CD48: variants seen among roughly 807,000 people sequenced by gnomAD.
CD48 encodes the protein CD48 antigen.
A neutral mutation model predicts 22.0 loss-of-function variants in CD48; 20 were observed. The observed-to-expected ratio is 0.91, with a 90% CI of 0.64 to 1.32. The LOEUF is 1.32. CD48 is among the 40% of genes most tolerant of loss of function. CD48 has a pLI of 0.00. For missense variants in CD48, 307 were observed against 286.5 expected (o/e 1.07, Z -0.52); for synonymous variants, 110 against 110.1 (o/e 1.00, Z 0.01).
At chr1:160,710,751 T>C (rs937639518) in intron 1 of CD48, among the ~76,000 whole-genome samples, 3 of 152,040 alleles carry the variant, frequency 2.0e-5, no homozygotes, top group Non-Finnish European at 4.4e-5. Context: ...ACCTGAGAGG[T>C]AGAATATGTG....
chr1:160,708,343 A>G (rs533532897), intron 1 of CD48, among the ~76,000 whole-genome samples: 2 of 152,332 alleles, frequency 1.3e-5, no homozygotes, highest in South Asian at 2.1e-4. Flanking sequence ...AGTGGCCACT[A>G]AAGATTTTAA....
chr1:160,679,351 C>T (rs778807750), intron 3 of CD48, among the ~76,000 whole-genome samples: 1 of 152,142 alleles, frequency 6.6e-6, no homozygotes, highest in African/African-American at 2.4e-5. Context: ...ACTGGCTTAC[C>T]TGGGCCCTGT....
chr1:160,710,472 G>T (rs556905178), intron 1 of CD48, among the ~76,000 whole-genome samples: 4 of 152,132 alleles, frequency 2.6e-5, no homozygotes, highest in Non-Finnish European at 4.4e-5. Flanking sequence ...AATCAGGTGT[G>T]GTCTGATTGT....
At chr1:160,710,719 C>T (rs1387494218) in intron 1 of CD48, among the ~76,000 whole-genome samples, 1 of 152,178 alleles carries the variant, frequency 6.6e-6, no homozygotes, top group Non-Finnish European at 1.5e-5. Flanking sequence ...TAGACTCACA[C>T]AGTCATGAAC....
At chr1:160,699,871 G>A (rs1403234625) in intron 1 of CD48, 3 of 151,580 alleles carry the variant, frequency 2.0e-5, no homozygotes, top group Admixed American at 6.6e-5. Flanking sequence ...AGAGGCTGGC[G>A]GGATCCTCCA....
chr1:160,691,210 G>T (rs1662203660), intron 1 of CD48, among the ~76,000 whole-genome samples: 1 of 152,276 alleles, frequency 6.6e-6, no homozygotes, highest in Middle Eastern at 3.4e-3. Context: ...CCCGTAAAGG[G>T]TCTGTGCTGA....
chr1:160,708,102 G>C (rs1191944585), intron 1 of CD48, among the ~76,000 whole-genome samples: 1 of 152,168 alleles, frequency 6.6e-6, no homozygotes, highest in Non-Finnish European at 1.5e-5. Flanking sequence ...AATGGCTTCT[G>C]TACGAGGAAT....
chr1:160,693,343 T>C (rs1253730533), intron 1 of CD48, among the ~76,000 whole-genome samples: 40 of 149,440 alleles, frequency 2.7e-4, no homozygotes, highest in African/African-American at 9.0e-4. Context: ...ACGCCAATCC[T>C]GAGTGTCAAT....
intron 1 of CD48, among the ~76,000 whole-genome samples, chr1:160,706,498 T>C (rs1662799521): frequency 1.3e-5 from 2 of 152,192 alleles, no homozygotes; most frequent in African/African-American, 4.8e-5. Context: ...GGCTGTAACT[T>C]CTTACCGAGA....
chr1:160,703,393 C>T (rs1372397721), intron 1 of CD48, among the ~76,000 whole-genome samples: 1 of 152,110 alleles, frequency 6.6e-6, no homozygotes, highest in African/African-American at 2.4e-5. Flanking sequence ...CAGCGCATAT[C>T]GATGCAGACC....
intron 1 of CD48, among the ~76,000 whole-genome samples, chr1:160,703,922 A>G (rs778705154): frequency 2.6e-5 from 4 of 152,144 alleles, no homozygotes; most frequent in Non-Finnish European, 5.9e-5. Flanking sequence ...TGTGGAGTGA[A>G]CAAGGGGATT....
At chr1:160,693,929 G>A (rs377253927) in intron 1 of CD48, among the ~76,000 whole-genome samples, 4,348 of 145,924 alleles carry the variant, frequency 0.03, 10 homozygotes, top group Middle Eastern at 0.038. Flanking sequence ...ATTGTCCCCC[G>A]CCACAAGTGG....
chr1:160,694,395 T>C (rs560688265), intron 1 of CD48, among the ~76,000 whole-genome samples: 1 of 151,938 alleles, frequency 6.6e-6, no homozygotes, highest in East Asian at 1.9e-4. Flanking sequence ...ATCATTGCTT[T>C]AAATCAGTGG....
intron 3 of CD48, chr1:160,680,965 A>G (rs1661772079): frequency 7.0e-7 from 1 of 1,436,686 alleles, no homozygotes; most frequent in South Asian, 1.5e-5. Context: ...AGTATCAGAG[A>G]TCTCTCCCAA....
intron 1 of CD48, among the ~76,000 whole-genome samples, chr1:160,697,263 C>T (rs1662462702): frequency 1.3e-5 from 2 of 152,300 alleles, no homozygotes; most frequent in African/African-American, 2.4e-5. Flanking sequence ...GTTTGGATAC[C>T]CACTAGACAT....
chr1:160,685,724 G>A (rs1661974433), intron 1 of CD48, among the ~76,000 whole-genome samples: 1 of 152,134 alleles, frequency 6.6e-6, no homozygotes, highest in Non-Finnish European at 1.5e-5. Flanking sequence ...GGGACCAAGG[G>A]AAAGCTTCCC....
chr1:160,705,864 C>T (rs1662774411), intron 1 of CD48, among the ~76,000 whole-genome samples: 1 of 152,140 alleles, frequency 6.6e-6, no homozygotes, highest in Admixed American at 6.5e-5. Context: ...GTGCCAGTAA[C>T]ACTTGTCCAG....
chr1:160,679,422 A>G (rs568837505), intron 3 of CD48, among the ~76,000 whole-genome samples: 1 of 152,320 alleles, frequency 6.6e-6, no homozygotes, highest in African/African-American at 2.4e-5. Flanking sequence ...TACTCTGGAC[A>G]TCAACGAGGT....
At position 160,681,105 on chromosome 1, in the gene CD48, A is replaced by G. The variant is rs181648829; in HGVS notation, c.652+97T>C. On this transcript the variant is annotated intron_variant, in intron 3 of 3. Transcript: ENST00000368046. ...AGACACCTTAGGGATTCACCACCAC[A>G]CTGTGCAAGGAGGCTGAATAGGACC... 2.2e-4 allele frequency: 346 copies of G among 1,591,598 alleles called. 1 individual carries two copies. The East Asian group carries it at 7.2e-3, about 33-fold the overall frequency.
Sources: allele counts gnomAD v4.1 joint callset (sites outside exome capture counted in the v4.1 genomes callset), GRCh38; gene constraint gnomAD v4.1.1; transcripts MANE v1.5; gene names NCBI Gene and HGNC (gene_info 2026-07-23, HGNC 2026-07-21).